Variants in SLC9A9 observed in about 807,000 individuals in gnomAD.
The protein encoded by SLC9A9 is solute carrier family 9 member A9.
Under a neutral mutation model 77.8 loss-of-function variants are expected in SLC9A9, and 62 were observed. The observed-to-expected ratio is 0.80, with a 90% CI of 0.65 to 0.98. The LOEUF (loss-of-function observed/expected upper bound fraction) is 0.98. Ranked by LOEUF, SLC9A9 falls within the 50% of genes least tolerant of loss-of-function variation. The pLI, the probability that SLC9A9 is intolerant of heterozygous loss-of-function variation, is 0.00. For missense variants in SLC9A9, 775 were observed against 774.9 expected (o/e 1.00, Z 0.00); for synonymous variants, 320 against 283.5 (o/e 1.13, Z -1.29).
At chr3:143,666,600 T>C (rs907851164) in intron 5 of SLC9A9, among the ~76,000 whole-genome samples, 2 of 151,832 alleles carry the variant, frequency 1.3e-5, no homozygotes, top group Non-Finnish European at 2.9e-5. Context: ...AGTCTCAGCA[T>C]AAAATCTCCT....
At chr3:143,339,804 TAAC>T (rs926199946) in intron 14 of SLC9A9, among the ~76,000 whole-genome samples, 41 of 152,294 alleles carry the variant, frequency 2.7e-4, no homozygotes, top group African/African-American at 8.9e-4. Flanking sequence ...AGGTTCATGT[TAAC>T]AACTGTTGCT....
rs1937692580 is a variant in SLC9A9, at chr3:143,265,852, C to T, written c.*850G>A. On this transcript the variant is annotated 3_prime_UTR_variant, in exon 16 of 16. Coordinates refer to ENST00000316549, the MANE Select transcript of SLC9A9 (RefSeq NM_173653.4). ...CAGTCTGCTGCCAGGTAGAGAGCAA[C>T]ACAGGCTGCAGAATCCTACCCTCCA... 3.4e-6 allele frequency: 2 copies of T among 596,370 alleles called. No individual in the cohort carries two copies. Among genetic ancestry groups the T allele is most frequent in the African/African-American group, 3.7e-5 (2 of 53,638 alleles). The allele number at this position is 596,370 out of a possible 1,614,324, so 36.9% of individuals were successfully genotyped here.
intron 6 of SLC9A9, among the ~76,000 whole-genome samples, chr3:143,580,656 A>G (rs1389874145): frequency 1.3e-5 from 2 of 152,360 alleles, no homozygotes; most frequent in African/African-American, 4.8e-5. Context: ...GTTCACCTGT[A>G]TGTCACCTAA....
At chr3:143,805,997 C>G (rs1049266504) in intron 2 of SLC9A9, among the ~76,000 whole-genome samples, 1 of 152,038 alleles carries the variant, frequency 6.6e-6, no homozygotes, top group African/African-American at 2.4e-5. Flanking sequence ...AATAAAAACT[C>G]ACTGATCTCT....
At chr3:143,450,820 G>C (rs2034994080) in intron 12 of SLC9A9, among the ~76,000 whole-genome samples, 1 of 152,172 alleles carries the variant, frequency 6.6e-6, no homozygotes, top group Non-Finnish European at 1.5e-5. Context: ...CAGAGGGGTA[G>C]GTGAAGAAAT....
rs542427475 is a variant in SLC9A9, at chr3:143,778,487, T to C, written c.533+16514A>G. Among the ~76,000 whole-genome samples the C allele has an allele frequency of 2.5e-4, 38 of 152,248 alleles. 1 individual carries two copies. The highest frequency in any genetic ancestry group is 5.1e-4 in the Non-Finnish European group (35 of 68,034). ...CTGGAATTCTTTAATACAGGGGCAA[T>C]GAAAGCAAAGACGGTTTTCAGAACT... is the stretch of plus-strand genomic sequence containing the variant. On this transcript the variant is annotated intron_variant, in intron 4 of 15. Coordinates refer to ENST00000316549, the MANE Select transcript of SLC9A9 (RefSeq NM_173653.4).
At chr3:143,578,216 T>C (rs921507871) in intron 7 of SLC9A9, among the ~76,000 whole-genome samples, 3 of 152,182 alleles carry the variant, frequency 2.0e-5, no homozygotes, top group Non-Finnish European at 2.9e-5. Context: ...CCTTAATCAA[T>C]TGTCTTATTC....
intron 12 of SLC9A9, among the ~76,000 whole-genome samples, chr3:143,392,264 T>A (rs1213801918): frequency 3.9e-5 from 6 of 152,152 alleles, no homozygotes; most frequent in Non-Finnish European, 8.8e-5. Context: ...CAGCAGAAAC[T>A]CTACAAGCCA....
At chr3:143,384,631 G>A (rs1027006391) in intron 12 of SLC9A9, among the ~76,000 whole-genome samples, 1 of 152,222 alleles carries the variant, frequency 6.6e-6, no homozygotes, top group Non-Finnish European at 1.5e-5. Context: ...ATGGGGCAGA[G>A]GAAGTGATGA....
In SLC9A9 at chr3:143,467,123, C is replaced by T. The variant is rs2035293750; in HGVS notation, c.1383G>A (p.Met461Ile). ...ACACGAGGAGCAGCGTAGTGGTAAACATCATTTGTTTGGGCTGAGATTCTG... is the reference window on the plus strand; with the variant it reads ...ACACGAGGAGCAGCGTAGTGGTAAATATCATTTGTTTGGGCTGAGATTCTG... ...RNTESQPKQM[M>I]FTTTLLLVFF... is the part of the protein sequence containing the mutation. The change falls in exon 12 of 16, where the codon ATG becomes ATA. Residue 461 changes from methionine (M) to isoleucine (I), a missense_variant. Transcript: ENST00000316549. 6.2e-7 allele frequency: 1 copy of T among 1,614,178 alleles called. No homozygotes were observed.
At chr3:143,272,193 T>A (rs1266663182) in intron 14 of SLC9A9, among the ~76,000 whole-genome samples, 1 of 152,182 alleles carries the variant, frequency 6.6e-6, no homozygotes, top group East Asian at 1.9e-4. Context: ...CACTCACTCA[T>A]TCATTTGTTC....
intron 12 of SLC9A9, among the ~76,000 whole-genome samples, chr3:143,384,968 T>C (rs762293915): frequency 3.9e-5 from 6 of 152,258 alleles, no homozygotes; most frequent in Non-Finnish European, 8.8e-5. Context: ...CTGGCTAATA[T>C]ATGTTTCTTG....
At chr3:143,357,248 C>T (rs2108478671) in intron 14 of SLC9A9, among the ~76,000 whole-genome samples, 1 of 152,238 alleles carries the variant, frequency 6.6e-6, no homozygotes, top group South Asian at 2.1e-4. Flanking sequence ...GAGTTCATCC[C>T]CCCATGAAAT....
chr3:143,475,791 CAAA>C (rs374147740), intron 11 of SLC9A9, among the ~76,000 whole-genome samples: 3 of 130,242 alleles, frequency 2.3e-5, no homozygotes, highest in African/African-American at 2.9e-5. Context: ...GACTCCATCT[CAAA>C]AAAAAAAAAA....
intron 12 of SLC9A9, among the ~76,000 whole-genome samples, chr3:143,436,435 A>G (rs1394452018): frequency 6.6e-6 from 1 of 152,180 alleles, no homozygotes; most frequent in African/African-American, 2.4e-5. Flanking sequence ...AAAGTGCTAT[A>G]ATTGCAAAAC....
chr3:143,373,022 A>G (rs1376378071), intron 13 of SLC9A9, among the ~76,000 whole-genome samples: 2 of 152,220 alleles, frequency 1.3e-5, no homozygotes, highest in African/African-American at 4.8e-5. Flanking sequence ...GTAAATTAGT[A>G]CAATCTCTAT....
intron 11 of SLC9A9, among the ~76,000 whole-genome samples, chr3:143,490,134 A>T (rs2035714725): frequency 1.3e-5 from 2 of 152,174 alleles, no homozygotes; most frequent in African/African-American, 4.8e-5. Context: ...CATTCAAAAT[A>T]GAATTACTAT....
intron 4 of SLC9A9, among the ~76,000 whole-genome samples, chr3:143,700,274 T>A (rs6786893): frequency 0.81 from 122,937 of 151,930 alleles, 50,249 homozygotes; most frequent in East Asian, 0.93. Context: ...CTGTGGTGGC[T>A]ATGGGAAGAG....
At chr3:143,465,074 C>A (rs2035261322) in intron 12 of SLC9A9, among the ~76,000 whole-genome samples, 1 of 152,202 alleles carries the variant, frequency 6.6e-6, no homozygotes, top group South Asian at 2.1e-4. Flanking sequence ...TTACTCATCT[C>A]CCTCCTGGCT....
Sources: allele counts gnomAD v4.1 joint callset (sites outside exome capture counted in the v4.1 genomes callset), GRCh38; gene constraint gnomAD v4.1.1; transcripts MANE v1.5; gene names NCBI Gene and HGNC (gene_info 2026-07-23, HGNC 2026-07-21).